The following ZNF804B variants were observed in gnomAD, a reference collection of about 807,000 sequenced individuals.
ZNF804B encodes zinc finger protein 804B.
A neutral mutation model predicts 101.4 loss-of-function variants in ZNF804B; 80 were observed. The ratio of observed to expected loss-of-function variants is 0.79; its 90% confidence interval spans 0.66 to 0.95. ZNF804B has a LOEUF of 0.95. Among genes scored for constraint, ZNF804B ranks in the 40% least tolerant of loss-of-function variants. The pLI is 0.00. For missense variants in ZNF804B, 1,673 were observed against 1,561.9 expected (o/e 1.07, Z -1.20); for synonymous variants, 622 against 558.8 (o/e 1.11, Z -1.59).
chr7:88,789,417 T>A, intron 1 of ZNF804B, among the ~76,000 whole-genome samples: 1 of 152,148 alleles, frequency 6.6e-6, no homozygotes, highest in Admixed American at 6.6e-5. Context: ...TTGCTTTTAT[T>A]GTTACTGTTG....
chr7:88,873,573 G>C (rs982407430), intron 1 of ZNF804B, among the ~76,000 whole-genome samples: 1 of 152,106 alleles, frequency 6.6e-6, no homozygotes, highest in Non-Finnish European at 1.5e-5. Context: ...GTAATGCCTA[G>C]GTTTTCTTCT....
At chr7:89,092,209 C>G (rs1017781072) in intron 1 of ZNF804B, among the ~76,000 whole-genome samples, 4 of 151,460 alleles carry the variant, frequency 2.6e-5, no homozygotes, top group Non-Finnish European at 5.9e-5. Flanking sequence ...TCGGGGGTCT[C>G]TCTACGGGCA....
intron 1 of ZNF804B, among the ~76,000 whole-genome samples, chr7:88,764,474 A>G (rs1008182907): frequency 6.6e-6 from 1 of 152,156 alleles, no homozygotes; most frequent in Non-Finnish European, 1.5e-5. Context: ...TGTATAGCTG[A>G]TTAAATTGGC....
rs370102984 is a variant in ZNF804B at position 88,945,795 on chromosome 7, A to G, written c.108+185711A>G. On this transcript the variant is annotated intron_variant, in intron 1 of 3. Coordinates refer to ENST00000333190, the MANE Select transcript of ZNF804B (RefSeq NM_181646.5). The stretch of plus-strand genomic sequence containing the variant: ...GTGGTTTGTAGTTCTCCTTGAAGAG[A>G]TCCTTCACATCCCTTGTAAGTTGTA... Among the ~76,000 whole-genome samples the G allele has an allele frequency of 4.7e-4, 71 of 151,894 alleles. 1 individual carries two copies. The South Asian group carries it at 0.015, about 31-fold the overall frequency.
At chr7:88,864,456 A>G (rs914700891) in intron 1 of ZNF804B, among the ~76,000 whole-genome samples, 1 of 152,148 alleles carries the variant, frequency 6.6e-6, no homozygotes, top group Non-Finnish European at 1.5e-5. Context: ...GCAGGATGAG[A>G]ATGAGATGAT....
intron 1 of ZNF804B, among the ~76,000 whole-genome samples, chr7:88,877,698 T>C (rs1241933117): frequency 6.6e-6 from 1 of 152,146 alleles, no homozygotes; most frequent in Non-Finnish European, 1.5e-5. Flanking sequence ...TTAAATGTGA[T>C]ACAGAATTTA....
At chr7:88,986,578 C>T (rs1221555853) in intron 1 of ZNF804B, among the ~76,000 whole-genome samples, 2 of 152,132 alleles carry the variant, frequency 1.3e-5, no homozygotes, top group Non-Finnish European at 2.9e-5. Flanking sequence ...CACTCTTTCA[C>T]TTTGCCTTCT....
chr7:89,301,145 G>A (rs189886125), intron 2 of ZNF804B, among the ~76,000 whole-genome samples: 1,217 of 97,080 alleles, frequency 0.013, 19 homozygotes, highest in African/African-American at 0.043. Flanking sequence ...CTTTTTTTCC[G>A]CAACAGTAAC....
At chr7:89,260,754 A>C (rs998597917) in intron 2 of ZNF804B, among the ~76,000 whole-genome samples, 1 of 152,130 alleles carries the variant, frequency 6.6e-6, no homozygotes, top group Non-Finnish European at 1.5e-5. Flanking sequence ...TGAATTTCTT[A>C]TTCTGTCTTT....
At chr7:89,171,285 G>C (rs6977311) in intron 1 of ZNF804B, among the ~76,000 whole-genome samples, 41 of 64,640 alleles carry the variant, frequency 6.3e-4, no homozygotes, top group Non-Finnish European at 1.2e-3. Flanking sequence ...TAATGCTGCT[G>C]CTGCTTCTTC....
chr7:89,084,770 T>G (rs1789763326), intron 1 of ZNF804B, among the ~76,000 whole-genome samples: 1 of 151,942 alleles, frequency 6.6e-6, no homozygotes, highest in Admixed American at 6.6e-5. Flanking sequence ...ACAAACCATC[T>G]TCTTTAAAAC....
At chr7:89,304,244 T>A (rs1218103091) in intron 2 of ZNF804B, among the ~76,000 whole-genome samples, 2 of 151,780 alleles carry the variant, frequency 1.3e-5, no homozygotes, top group East Asian at 3.9e-4. Context: ...AAGCAACAAT[T>A]GACAAGCACA....
chr7:88,822,017 TA>T (rs1220831631), intron 1 of ZNF804B, among the ~76,000 whole-genome samples: 2 of 152,172 alleles, frequency 1.3e-5, no homozygotes, highest in Non-Finnish European at 2.9e-5. Flanking sequence ...TTCTGTATGG[TA>T]TGGTGCTAGT....
intron 1 of ZNF804B, among the ~76,000 whole-genome samples, chr7:89,176,919 G>A (rs1426826370): frequency 6.6e-6 from 1 of 151,744 alleles, no homozygotes; most frequent in Non-Finnish European, 1.5e-5. Flanking sequence ...CAAATTAACT[G>A]GCATATAGTT....
intron 1 of ZNF804B, among the ~76,000 whole-genome samples, chr7:89,035,494 A>C (rs1340007918): frequency 6.6e-6 from 1 of 151,952 alleles, no homozygotes; most frequent in Non-Finnish European, 1.5e-5. Flanking sequence ...GTGTGTGTGT[A>C]TGTTTCACAC....
rs561941009 is a variant in ZNF804B, at chr7:88,763,073, G to A, written c.108+2989G>A. Among the ~76,000 whole-genome samples the A allele has an allele frequency of 4.6e-5, 7 of 152,094 alleles. No individual in the cohort carries two copies. The South Asian group carries it at 1.5e-3, about 32-fold the overall frequency. On this transcript the variant is annotated intron_variant, in intron 1 of 3. Transcript: ENST00000333190. Reference sequence around the variant, plus strand: ...TCTTCTTTTGTAGTTCTGATATTATGGATATCTGATATCTGGATATTATGG... The same window carrying A: ...TCTTCTTTTGTAGTTCTGATATTATAGATATCTGATATCTGGATATTATGG...
At chr7:88,835,462 A>C (rs1223047186) in intron 1 of ZNF804B, among the ~76,000 whole-genome samples, 1 of 151,934 alleles carries the variant, frequency 6.6e-6, no homozygotes, top group Non-Finnish European at 1.5e-5. Context: ...GTTTTTAAAT[A>C]TATCAAACCT....
intron 1 of ZNF804B, among the ~76,000 whole-genome samples, chr7:88,971,739 A>G (rs185385461): frequency 6.6e-6 from 1 of 151,804 alleles, no homozygotes; most frequent in East Asian, 2.0e-4. Flanking sequence ...ACATGAAGAT[A>G]CATAATTTTT....
chr7:88,952,958 G>A (rs10235480), intron 1 of ZNF804B, among the ~76,000 whole-genome samples: 122,637 of 151,664 alleles, frequency 0.81, 49,900 homozygotes, highest in African/African-American at 0.88. Flanking sequence ...GGTACAGGCA[G>A]TGGGAGGAAT....
Sources: gnomAD v4.1 joint callset for allele counts (sites outside exome capture counted in the v4.1 genomes callset) on GRCh38, gnomAD v4.1.1 for gene constraint, MANE v1.5 for transcripts, NCBI Gene and HGNC (gene_info 2026-07-23, HGNC 2026-07-21) for gene names.